The following SPIDR variants were observed in gnomAD, a reference collection of about 807,000 sequenced individuals.
The protein encoded by SPIDR is DNA repair-scaffolding protein.
A neutral mutation model predicts 104.6 loss-of-function variants in SPIDR; 93 were observed. The observed-to-expected ratio is 0.89, with a 90% CI of 0.75 to 1.06. The LOEUF (loss-of-function observed/expected upper bound fraction) is 1.06, where lower values mean the gene tolerates loss of function less well. SPIDR is among the 50% of genes least tolerant of loss of function. The pLI, the probability that SPIDR is intolerant of heterozygous loss-of-function variation, is 0.00. For synonymous variants in SPIDR, 431 were observed against 416.9 expected, an observed-to-expected ratio of 1.03 and a Z score of -0.41; for missense variants, 1,154 against 1,111.2, an observed-to-expected ratio of 1.04 and a Z score of -0.55.
chr8:47,686,057 G>A (rs2077770419), intron 11 of SPIDR, among the ~76,000 whole-genome samples: 1 of 152,110 alleles, frequency 6.6e-6, no homozygotes, highest in African/African-American at 2.4e-5. Context: ...GGAAGGGGAA[G>A]CTTATAAAAC....
intron 11 of SPIDR, among the ~76,000 whole-genome samples, chr8:47,678,010 C>A: frequency 6.6e-6 from 1 of 151,090 alleles, no homozygotes; most frequent in East Asian, 1.9e-4. Flanking sequence ...TCGAGACCAG[C>A]CAGGGCAACA....
chr8:47,650,512 A>G (rs897440793), intron 10 of SPIDR, among the ~76,000 whole-genome samples: 1 of 152,228 alleles, frequency 6.6e-6, no homozygotes, highest in African/African-American at 2.4e-5. Context: ...AATGACCATC[A>G]TGAAAATGGT....
chr8:47,609,529 T>G (rs570854085), intron 10 of SPIDR, among the ~76,000 whole-genome samples: 1 of 152,348 alleles, frequency 6.6e-6, no homozygotes, highest in Non-Finnish European at 1.5e-5. Flanking sequence ...TGGCATTTGT[T>G]ACAGTTTGCA....
intron 8 of SPIDR, chr8:47,511,251 G>T: frequency 6.3e-7 from 1 of 1,587,242 alleles, no homozygotes; most frequent in Non-Finnish European, 8.7e-7. Flanking sequence ...GCCGAATTTG[G>T]ATGTTTGTGG....
At chr8:47,287,814 G>A (rs1347772000) in intron 3 of SPIDR, among the ~76,000 whole-genome samples, 1 of 152,146 alleles carries the variant, frequency 6.6e-6, no homozygotes, top group Non-Finnish European at 1.5e-5. Flanking sequence ...AATTTGTACA[G>A]TTTAACACGA....
intron 5 of SPIDR, among the ~76,000 whole-genome samples, chr8:47,382,076 G>A (rs1236826339): frequency 6.6e-6 from 1 of 152,168 alleles, no homozygotes; most frequent in African/African-American, 2.4e-5. Flanking sequence ...TTAAAGAATG[G>A]TGTTTCATCT....
At chr8:47,475,370 C>T (rs1236852711) in intron 8 of SPIDR, among the ~76,000 whole-genome samples, 1 of 152,210 alleles carries the variant, frequency 6.6e-6, no homozygotes, top group African/African-American at 2.4e-5. Context: ...GGTCTGTTGT[C>T]TCATACTTAC....
At chr8:47,342,151 T>A (rs958612253) in intron 5 of SPIDR, among the ~76,000 whole-genome samples, 1 of 152,022 alleles carries the variant, frequency 6.6e-6, no homozygotes, top group African/African-American at 2.4e-5. Context: ...GACATTTCCA[T>A]TTGTTTATCG....
intron 8 of SPIDR, among the ~76,000 whole-genome samples, chr8:47,496,434 T>C (rs939239591): frequency 6.6e-6 from 1 of 152,196 alleles, no homozygotes; most frequent in African/African-American, 2.4e-5. Context: ...AAAATGCTTT[T>C]TCTGTGTCTA....
intron 8 of SPIDR, among the ~76,000 whole-genome samples, chr8:47,485,973 G>A (rs1022238549): frequency 1.3e-5 from 2 of 152,160 alleles, no homozygotes; most frequent in African/African-American, 4.8e-5. Context: ...GCAGCTCCTC[G>A]CCAGCAACGG....
In SPIDR at chr8:47,614,242, T is replaced by C. The variant is rs138215496; in HGVS notation, c.1544+15046T>C. Among the ~76,000 whole-genome samples, 688 of 152,162 alleles carry C rather than the reference T, an allele frequency of 4.5e-3. 2 individuals carry two copies. Among genetic ancestry groups the C allele is most frequent in the Non-Finnish European group, 7.2e-3 (490 of 67,998 alleles). On this transcript the variant is annotated intron_variant, in intron 10 of 19. Transcript: ENST00000297423. ...TTTTTTATTTTTTAATTTTTTTAGA[T>C]GGAGTCTCGCTGTGTTGCCAGGCTG... is the stretch of plus-strand genomic sequence containing the variant.
Position 47,694,173 on chromosome 8 carries a change from T to C in SPIDR, c.1686-6230T>C, listed in dbSNP as rs116735378. Reference sequence around the variant, plus strand: ...GACCTAATTTTACAATGAATGGGAATTTACCTTTGTAACTCAAAATAGGAT... The same window carrying C: ...GACCTAATTTTACAATGAATGGGAACTTACCTTTGTAACTCAAAATAGGAT... On this transcript the variant is annotated intron_variant, in intron 11 of 19. Coordinates refer to ENST00000297423, the MANE Select transcript of SPIDR (RefSeq NM_001080394.4). 3.1e-3 allele frequency among the ~76,000 whole-genome samples: 466 copies of C among 152,366 alleles called. 3 individuals are homozygous for C. Among genetic ancestry groups the C allele is most frequent in the African/African-American group, 0.011 (444 of 41,592 alleles).
chr8:47,361,933 T>G (rs1303467962), intron 5 of SPIDR, among the ~76,000 whole-genome samples: 1 of 152,228 alleles, frequency 6.6e-6, no homozygotes, highest in Non-Finnish European at 1.5e-5. Context: ...CCAGACTGCC[T>G]TTTGGTATAA....
chr8:47,447,980 A>G (rs2071001601), intron 8 of SPIDR, among the ~76,000 whole-genome samples: 1 of 152,230 alleles, frequency 6.6e-6, no homozygotes, highest in Non-Finnish European at 1.5e-5. Flanking sequence ...TTTATATGCA[A>G]TGGGAAACAA....
chr8:47,490,070 AC>A (rs2078412970), intron 8 of SPIDR, among the ~76,000 whole-genome samples: 1 of 152,224 alleles, frequency 6.6e-6, no homozygotes, highest in Admixed American at 6.5e-5. Flanking sequence ...CAGGCAACCT[AC>A]AGAATGGGAG....
chr8:47,474,066 C>G (rs782092735), intron 8 of SPIDR, among the ~76,000 whole-genome samples: 1 of 152,120 alleles, frequency 6.6e-6, no homozygotes, highest in Non-Finnish European at 1.5e-5. Context: ...GTTGTTCTCA[C>G]GTAGGCGAGT....
At chr8:47,440,300 T>A in intron 7 of SPIDR, 23 bp from the exon 8 acceptor site, 2 of 1,603,646 alleles carry the variant, frequency 1.2e-6, no homozygotes, top group South Asian at 2.2e-5. Flanking sequence ...CATTTTTGCT[T>A]TGTTCTTTTC....
intron 8 of SPIDR, among the ~76,000 whole-genome samples, chr8:47,474,454 C>T (rs782798957): frequency 2.6e-5 from 4 of 152,170 alleles, no homozygotes; most frequent in Non-Finnish European, 5.9e-5. Context: ...GCCTATTATT[C>T]TAGCCCCAGT....
chr8:47,533,709 A>G (rs2086420653), intron 8 of SPIDR, among the ~76,000 whole-genome samples: 1 of 152,206 alleles, frequency 6.6e-6, no homozygotes, highest in Non-Finnish European at 1.5e-5. Flanking sequence ...AATCAAAACC[A>G]CAATTACATA....
Sources: gnomAD v4.1 joint callset for allele counts (sites outside exome capture counted in the v4.1 genomes callset) on GRCh38, gnomAD v4.1.1 for gene constraint, MANE v1.5 for transcripts, NCBI Gene and HGNC (gene_info 2026-07-23, HGNC 2026-07-21) for gene names.